The following FGF14 variants were observed in gnomAD, a reference collection of about 807,000 sequenced individuals.
FGF14 encodes the protein fibroblast growth factor 14, also known as fibroblast growth factor homologous factor 4.
In FGF14, 5 loss-of-function variants were observed where a neutral mutation model predicts 25.5. The ratio of observed to expected loss-of-function variants is 0.20; its 90% CI spans 0.10 to 0.41. The LOEUF (loss-of-function observed/expected upper bound fraction) is 0.41. Ranked by LOEUF, FGF14 falls within the 10% of genes least tolerant of loss-of-function variation. The pLI is 1.00. For synonymous variants in FGF14, 138 were observed against 118.3 expected, an observed-to-expected ratio of 1.17 and a Z score of -1.08; for missense variants, 222 against 320.1, an observed-to-expected ratio of 0.69 and a Z score of 2.34.
chr13:101,979,210 G>A (rs9518607), intron 1 of FGF14, among the ~76,000 whole-genome samples: 47,779 of 152,122 alleles, frequency 0.31, 8,122 homozygotes, highest in East Asian at 0.69. Flanking sequence ...TAAAAATGGA[G>A]AAATGAATAG....
At chr13:102,132,885 G>T (rs77297081) in intron 1 of FGF14, among the ~76,000 whole-genome samples, 3,958 of 152,240 alleles carry the variant, frequency 0.026, 190 homozygotes, top group African/African-American at 0.091. Flanking sequence ...CCAAAAGTGA[G>T]CAATGAAACA....
chr13:101,887,328 GTA>G (rs1555307081), intron 1 of FGF14, among the ~76,000 whole-genome samples: 352 of 147,444 alleles, frequency 2.4e-3, no homozygotes, highest in African/African-American at 5.1e-3. Context: ...ATATATGTGT[GTA>G]TATATATATA....
intron 3 of FGF14, among the ~76,000 whole-genome samples, chr13:101,752,841 A>C (rs1430197658): frequency 6.6e-6 from 1 of 152,206 alleles, no homozygotes; most frequent in Non-Finnish European, 1.5e-5. Flanking sequence ...CAGGGCCAAA[A>C]AATGGCTATC....
intron 1 of FGF14, among the ~76,000 whole-genome samples, chr13:101,897,102 T>C (rs1388761521): frequency 6.6e-6 from 1 of 152,152 alleles, no homozygotes; most frequent in Non-Finnish European, 1.5e-5. Flanking sequence ...AGGATATATA[T>C]TATTATGTGT....
At chr13:101,894,429 A>G (rs774826693) in intron 1 of FGF14, among the ~76,000 whole-genome samples, 8 of 152,134 alleles carry the variant, frequency 5.3e-5, no homozygotes, top group Non-Finnish European at 7.4e-5. Context: ...CTATTAGTCC[A>G]ATGAACTCCC....
intron 1 of FGF14, among the ~76,000 whole-genome samples, chr13:101,959,354 T>C (rs913381315): frequency 4.0e-5 from 6 of 151,108 alleles, no homozygotes; most frequent in South Asian, 2.1e-4. Context: ...CAGTTGCCCA[T>C]GGTGTGTGTT....
At chr13:102,118,609 A>G (rs879366349) in intron 1 of FGF14, among the ~76,000 whole-genome samples, 19 of 152,138 alleles carry the variant, frequency 1.2e-4, no homozygotes, top group Non-Finnish European at 2.2e-4. Flanking sequence ...TAACTCATGA[A>G]TGAACTTATG....
chr13:102,058,067 T>C (rs904579608), intron 1 of FGF14, among the ~76,000 whole-genome samples: 1 of 152,190 alleles, frequency 6.6e-6, no homozygotes, highest in Non-Finnish European at 1.5e-5. Context: ...TGTGAAGCTT[T>C]TATTATTTTC....
chr13:102,064,333 T>C (rs1234536880), intron 1 of FGF14, among the ~76,000 whole-genome samples: 2 of 152,122 alleles, frequency 1.3e-5, no homozygotes, highest in Non-Finnish European at 2.9e-5. Context: ...TAATTTGAGA[T>C]AAAGACAGAC....
At chr13:102,383,270 T>C (rs2058227805) in intron 1 of FGF14, among the ~76,000 whole-genome samples, 1 of 152,164 alleles carries the variant, frequency 6.6e-6, no homozygotes, top group South Asian at 2.1e-4. Context: ...TTTAGATTTC[T>C]TAAATAACAA....
chr13:102,248,932 A>C (rs1181159705), intron 1 of FGF14, among the ~76,000 whole-genome samples: 1 of 152,128 alleles, frequency 6.6e-6, no homozygotes, highest in Non-Finnish European at 1.5e-5. Flanking sequence ...CAAACCCCAA[A>C]ATTTCAAGTC....
chr13:101,746,503 T>C (rs533089896), intron 3 of FGF14, among the ~76,000 whole-genome samples: 1 of 152,166 alleles, frequency 6.6e-6, no homozygotes, highest in East Asian at 1.9e-4. Context: ...CAATGTCGAA[T>C]GCAATTTCAA....
intron 1 of FGF14, chr13:102,367,548 C>G (rs1357373029): frequency 1.1e-4 from 17 of 152,136 alleles, no homozygotes; most frequent in Admixed American, 1.1e-3. Flanking sequence ...GCATGAACCC[C>G]AAGAGGCAAG....
At chr13:102,320,501 G>A (rs2056204461) in intron 1 of FGF14, among the ~76,000 whole-genome samples, 1 of 152,026 alleles carries the variant, frequency 6.6e-6, no homozygotes, top group Admixed American at 6.6e-5. Context: ...AGGGAAAATG[G>A]TGACTAAACC....
chr13:101,764,911 A>G (rs1477394347), intron 3 of FGF14, among the ~76,000 whole-genome samples: 1 of 152,178 alleles, frequency 6.6e-6, no homozygotes, highest in Non-Finnish European at 1.5e-5. Flanking sequence ...TATACCACTA[A>G]ATGATAGTGA....
intron 1 of FGF14, among the ~76,000 whole-genome samples, chr13:102,063,923 T>C (rs1017687563): frequency 2.6e-5 from 4 of 152,188 alleles, no homozygotes; most frequent in African/African-American, 2.4e-5. Flanking sequence ...CTGGCAATAA[T>C]GTTTTTAAAG....
chr13:102,240,764 G>A (rs1249641702), intron 1 of FGF14, among the ~76,000 whole-genome samples: 4 of 151,946 alleles, frequency 2.6e-5, no homozygotes, highest in Non-Finnish European at 5.9e-5. Flanking sequence ...ACCTACCACA[G>A]AATAACATGT....
chr13:101,956,560 C>T (rs765190844), intron 1 of FGF14, among the ~76,000 whole-genome samples: 4 of 152,058 alleles, frequency 2.6e-5, no homozygotes, highest in Admixed American at 2.6e-4. Context: ...TTCTGAGCCT[C>T]GGTTCTCAAC....
At position 102,008,432 on chromosome 13, in the gene FGF14, G is replaced by T. The variant is rs1225642824; in HGVS notation, c.209-133136C>A. 6.6e-5 allele frequency among the ~76,000 whole-genome samples: 10 copies of T among 152,226 alleles called. No homozygotes were observed. In the East Asian group the frequency reaches 1.9e-3, roughly 29 times the overall value. On this transcript the variant is annotated intron_variant, in intron 1 of 4. Transcript: ENST00000376131. Reference sequence around the variant, plus strand: ...ACAGTGCTATTCTGCACTTCCTAAGGCATCTGTGTATTTTGGGTTCTATAA... The same window carrying T: ...ACAGTGCTATTCTGCACTTCCTAAGTCATCTGTGTATTTTGGGTTCTATAA...
Sources: allele counts gnomAD v4.1 joint callset (sites outside exome capture counted in the v4.1 genomes callset), GRCh38; gene constraint gnomAD v4.1.1; transcripts MANE v1.5; gene names NCBI Gene and HGNC (gene_info 2026-07-23, HGNC 2026-07-21).